Variants in NETO2 observed in about 807,000 individuals in gnomAD.
The protein encoded by NETO2 is neuropilin and tolloid like 2.
NETO2 carries 28 observed loss-of-function variants against 62.5 expected under a neutral mutation model. The observed-to-expected ratio is 0.45, with a 90% CI of 0.33 to 0.61. The LOEUF (loss-of-function observed/expected upper bound fraction) is 0.61. NETO2 is among the 20% of genes least tolerant of loss of function. The probability of loss-of-function intolerance (pLI) is 0.02; values close to 1 mark genes in which losing one functional copy is unlikely to be tolerated. For missense variants in NETO2, 548 were observed against 643.2 expected (o/e 0.85, Z 1.60); for synonymous variants, 214 against 219.1 (o/e 0.98, Z 0.21).
At chr16:47,142,428 CA>C (rs2151497923) in intron 1 of NETO2, among the ~76,000 whole-genome samples, 1 of 152,210 alleles carries the variant, frequency 6.6e-6, no homozygotes, top group South Asian at 2.1e-4. Context: ...AAATCAAAAG[CA>C]AAATTACACT....
intron 6 of NETO2, among the ~76,000 whole-genome samples, chr16:47,121,408 C>G (rs1567394406): frequency 2.0e-5 from 3 of 152,136 alleles, no homozygotes; most frequent in Admixed American, 2.0e-4. Flanking sequence ...TTAATGCACC[C>G]AGGACCATTC....
chr16:47,132,929 T>G (rs1292970205), intron 1 of NETO2, among the ~76,000 whole-genome samples: 1 of 152,202 alleles, frequency 6.6e-6, no homozygotes, highest in African/African-American at 2.4e-5. Flanking sequence ...CAGCTCAGTT[T>G]ACTTATTTGT....
Position 47,143,488 on chromosome 16 carries a change from C to G in NETO2, c.34+91G>C, listed in dbSNP as rs1015634457. The G allele has an allele frequency of 2.5e-6, 3 of 1,198,656 alleles. No individual in the cohort carries two copies. In the African/African-American group the frequency reaches 4.8e-5, roughly 19 times the overall value. The allele number at this position is 1,198,656 out of a possible 1,614,324, so 74.3% of individuals were successfully genotyped here. A position where few individuals can be genotyped will look rare whatever the true frequency, so the allele number is the denominator to read the frequency against. On this transcript the variant is annotated intron_variant, in intron 1 of 8. Transcript: ENST00000562435. ...ACAAAGAGGCGCGTCGGGTCCCGGG[C>G]GCGGGTAAGGGACGCAGAGGCGCGG...
intron 1 of NETO2, among the ~76,000 whole-genome samples, chr16:47,141,272 T>A (rs988633741): frequency 2.0e-5 from 3 of 152,340 alleles, no homozygotes; most frequent in African/African-American, 7.2e-5. Flanking sequence ...TATGTAAATG[T>A]TAAATAGCTG....
intron 7 of NETO2, among the ~76,000 whole-genome samples, chr16:47,088,046 G>C (rs551934192): frequency 6.6e-6 from 1 of 152,244 alleles, no homozygotes; most frequent in East Asian, 1.9e-4. Context: ...AAGTCAAGAA[G>C]TGAGGCAGCT....
At chr16:47,125,964 T>C (rs1424066412) in intron 4 of NETO2, among the ~76,000 whole-genome samples, 1 of 152,214 alleles carries the variant, frequency 6.6e-6, no homozygotes, top group Non-Finnish European at 1.5e-5. Context: ...GCTGAAAGTC[T>C]ACACCCATTA....
At chr16:47,141,732 T>C (rs1964464261) in intron 1 of NETO2, among the ~76,000 whole-genome samples, 1 of 152,192 alleles carries the variant, frequency 6.6e-6, no homozygotes, top group South Asian at 2.1e-4. Context: ...TACTCCAGCA[T>C]GTAAAAATAG....
intron 7 of NETO2, among the ~76,000 whole-genome samples, chr16:47,087,763 C>T (rs1334385059): frequency 2.0e-5 from 3 of 152,178 alleles, no homozygotes; most frequent in Admixed American, 2.0e-4. Context: ...TTGTGGCGGC[C>T]ACCTACTCAT....
intron 7 of NETO2, among the ~76,000 whole-genome samples, chr16:47,102,620 A>G (rs1963579014): frequency 1.3e-5 from 2 of 151,916 alleles, no homozygotes; most frequent in African/African-American, 2.4e-5. Flanking sequence ...ACCCCATCAA[A>G]AAGTGGGTGA....
At chr16:47,087,027 A>G (rs998115707) in intron 7 of NETO2, among the ~76,000 whole-genome samples, 1 of 79,696 alleles carries the variant, frequency 1.3e-5, no homozygotes, top group African/African-American at 5.2e-5. Flanking sequence ...ATTATTTATA[A>G]TTAAATTTTT....
At chr16:47,121,776 AG>A (rs1006647052) in intron 6 of NETO2, among the ~76,000 whole-genome samples, 3 of 152,226 alleles carry the variant, frequency 2.0e-5, no homozygotes, top group African/African-American at 7.2e-5. Flanking sequence ...AAAGTCAGCC[AG>A]GGGCATCTGT....
chr16:47,136,022 T>C (rs1272109056), intron 1 of NETO2, among the ~76,000 whole-genome samples: 1 of 152,170 alleles, frequency 6.6e-6, no homozygotes, highest in African/African-American at 2.4e-5. Context: ...GCAAAGATAA[T>C]GAGTCTTTCC....
chr16:47,090,263 T>C (rs1481627848), intron 7 of NETO2, among the ~76,000 whole-genome samples: 1 of 152,186 alleles, frequency 6.6e-6, no homozygotes, highest in Non-Finnish European at 1.5e-5. Context: ...TTTAAAGTGA[T>C]TAGAAAACAG....
chr16:47,104,866 T>C (rs193081370), intron 7 of NETO2, among the ~76,000 whole-genome samples: 11 of 152,120 alleles, frequency 7.2e-5, no homozygotes, highest in Admixed American at 7.2e-4. Flanking sequence ...ATTACAGGCG[T>C]GTGCCACCAC....
intron 1 of NETO2, among the ~76,000 whole-genome samples, chr16:47,139,995 C>T (rs1013758651): frequency 3.3e-5 from 5 of 152,200 alleles, no homozygotes; most frequent in African/African-American, 9.6e-5. Context: ...CATATTTAAA[C>T]CAACATGTCT....
intron 4 of NETO2, among the ~76,000 whole-genome samples, chr16:47,124,027 T>C (rs1964100501): frequency 6.6e-6 from 1 of 152,234 alleles, no homozygotes; most frequent in Non-Finnish European, 1.5e-5. Flanking sequence ...GCAATTTAAT[T>C]GTGTACAACT....
chr16:47,139,306 T>C (rs1470851154), intron 1 of NETO2, among the ~76,000 whole-genome samples: 1 of 152,194 alleles, frequency 6.6e-6, no homozygotes, highest in Non-Finnish European at 1.5e-5. Context: ...CATGTGACCT[T>C]GCTTTTTTAA....
At chr16:47,123,727 T>C (rs1964091472) in intron 4 of NETO2, among the ~76,000 whole-genome samples, 1 of 152,242 alleles carries the variant, frequency 6.6e-6, no homozygotes, top group South Asian at 2.1e-4. Flanking sequence ...AGATGGAGTT[T>C]CACACTGTTG....
In NETO2 at chr16:47,086,253, A is replaced by G. The variant is rs1172601704; in HGVS notation, c.970T>C (p.Tyr324His). 1 of 1,611,008 alleles carries G rather than the reference A, an allele frequency of 6.2e-7. No individual in the cohort carries two copies. Among genetic ancestry groups the G allele is most frequent in the South Asian group, 1.1e-5 (1 of 91,020 alleles). The change falls in exon 8 of 9, where the codon TAC becomes CAC. Residue 324 changes from tyrosine (Y) to histidine (H), a missense_variant. Transcript: ENST00000562435. ...LVCNGVQNCA[Y>H]PWDENHCKEK... is the part of the protein sequence containing the mutation. ...TTACAATGATTTTCATCCCAAGGGTATGCACAATTTTGGACACCATTACAG... is the reference window on the plus strand; with the variant it reads ...TTACAATGATTTTCATCCCAAGGGTGTGCACAATTTTGGACACCATTACAG...
Sources: allele counts gnomAD v4.1 joint callset (sites outside exome capture counted in the v4.1 genomes callset), GRCh38; gene constraint gnomAD v4.1.1; transcripts MANE v1.5; gene names NCBI Gene and HGNC (gene_info 2026-07-23, HGNC 2026-07-21).